TECTA: variants seen among roughly 807,000 people sequenced by gnomAD.
TECTA encodes alpha-tectorin.
A neutral mutation model predicts 216.8 loss-of-function variants in TECTA; 128 were observed. That is an observed-to-expected ratio of 0.59 (90% CI 0.51 to 0.68). The LOEUF is 0.68. Ranked by LOEUF, TECTA falls within the 30% of genes least tolerant of loss-of-function variation. The pLI, the probability that TECTA is intolerant of heterozygous loss-of-function variation, is 0.00. For missense variants in TECTA, 2,551 were observed against 2,786.2 expected, an observed-to-expected ratio of 0.92 and a Z score of 1.90; for synonymous variants, 1,089 against 1,117.1, an observed-to-expected ratio of 0.97 and a Z score of 0.50.
intron 20 of TECTA, among the ~76,000 whole-genome samples, chr11:121,176,127 T>A (rs1309994647): frequency 6.6e-6 from 1 of 151,934 alleles, no homozygotes; most frequent in Non-Finnish European, 1.5e-5. Flanking sequence ...CTGATGGGTC[T>A]TGACTCTTTA....
At chr11:121,186,358 G>A (rs1417165006) in intron 20 of TECTA, among the ~76,000 whole-genome samples, 1 of 152,244 alleles carries the variant, frequency 6.6e-6, no homozygotes. Flanking sequence ...AGAGGAAAGG[G>A]CAGGTGTTTC....
chr11:121,147,552 C>A (rs1946850310), intron 12 of TECTA, among the ~76,000 whole-genome samples: 1 of 151,944 alleles, frequency 6.6e-6, no homozygotes, highest in African/African-American at 2.4e-5. Flanking sequence ...AATAAATATG[C>A]CTATAAAAAA....
chr11:121,125,745 C>T lies in TECTA; in HGVS notation c.1647C>T (p.Ser549=), dbSNP rs201949975. 1 of 1,614,108 alleles carries T rather than the reference C, an allele frequency of 6.2e-7. No homozygotes were observed. The highest frequency in any genetic ancestry group is 1.3e-5 in the African/African-American group (1 of 75,068). ...TGGACCCCACTGCTTTTGTGCACAG[C>T]TGCGTGTATGACCTGTGCAGTGTGA... is the stretch of plus-strand genomic sequence containing the variant. The part of the protein sequence containing the change: ...TVVDPTAFVH[S]CVYDLCSVRD... Residue 549 remains serine (S), a synonymous_variant, in exon 8 of 24, where the codon AGC becomes AGT. Coordinates refer to ENST00000392793, the MANE Select transcript of TECTA (RefSeq NM_005422.4).
chr11:121,170,425 T>C (rs1947099599), intron 20 of TECTA, among the ~76,000 whole-genome samples: 1 of 151,440 alleles, frequency 6.6e-6, no homozygotes, highest in Non-Finnish European at 1.5e-5. Context: ...GTTTTTTTGT[T>C]TTGTTTTGTT....
intron 20 of TECTA, among the ~76,000 whole-genome samples, chr11:121,173,998 T>G (rs1174004491): frequency 1.3e-5 from 2 of 152,084 alleles, no homozygotes; most frequent in African/African-American, 2.4e-5. Flanking sequence ...GTTTGTCTGT[T>G]ATTGGTGTAT....
chr11:121,145,794 G>T lies in TECTA; in HGVS notation c.3783G>T (p.Ser1261=), dbSNP rs1424229038. 5 of 1,614,190 alleles carry T rather than the reference G, an allele frequency of 3.1e-6. No individual in the cohort carries two copies. The South Asian group carries it at 4.4e-5, about 14-fold the overall frequency. Residue 1261 remains serine (S), a synonymous_variant, in exon 12 of 24, where the codon TCG becomes TCT. Transcript: ENST00000392793. ...DLEMPMGLLA[S]SVNEFGQSWV... ...AGATGCCCATGGGTCTGCTTGCATC[G>T]AGTGTCAATGAGTTTGGGCAGAGCT...
At chr11:121,187,123 G>C (rs139680013) in intron 20 of TECTA, among the ~76,000 whole-genome samples, 2 of 152,354 alleles carry the variant, frequency 1.3e-5, no homozygotes, top group African/African-American at 4.8e-5. Context: ...CAGGAGTGAT[G>C]CATTGGACAA....
At position 121,118,510 on chromosome 11, in the gene TECTA, C is replaced by T; in HGVS notation, c.995C>T (p.Thr332Ile). ...CVVFGEPHYH[T>I]FDGFLFHFQG... is the part of the protein sequence containing the mutation. ...GTGTTTGGGGAGCCACACTACCACA[C>T]TTTTGACGGCTTCCTCTTCCACTTC... is the stretch of plus-strand genomic sequence containing the variant. Residue 332 changes from threonine (T) to isoleucine (I), a missense_variant, in exon 7 of 24, where the codon ACT becomes ATT. Thr to Ile is a moderately conservative substitution (Grantham distance 89). Coordinates refer to ENST00000392793, the MANE Select transcript of TECTA (RefSeq NM_005422.4). 1 of 1,614,204 alleles carries T rather than the reference C, an allele frequency of 6.2e-7. No homozygotes were observed. The highest frequency in any genetic ancestry group is 1.1e-5 in the South Asian group (1 of 91,086).
In TECTA at chr11:121,166,642, T is replaced by A; in HGVS notation, c.5448T>A (p.Ser1816=). 1 of 1,614,180 alleles carries A rather than the reference T, an allele frequency of 6.2e-7. No homozygotes were observed. The highest frequency in any genetic ancestry group is 8.5e-7 in the Non-Finnish European group (1 of 1,180,030). Residue 1816 remains serine (S), a synonymous_variant, in exon 18 of 24, where the codon TCT becomes TCA. Transcript: ENST00000392793. ...CAGCCCAAATGGAAGTGTCCATATC[T>A]AAGTGCAAGCTCTTCCAGCTCGGTT... ...CKAAQMEVSI[S]KCKLFQLGFE... is the part of the protein sequence containing the mutation.
rs779796649 is a variant in TECTA at position 121,137,880 on chromosome 11, G to C, written c.3401G>C (p.Ser1134Thr). The C allele has an allele frequency of 6.2e-7, 1 of 1,603,120 alleles. No individual in the cohort carries two copies. Among genetic ancestry groups the C allele is most frequent in the African/African-American group, 1.3e-5 (1 of 74,750 alleles). The change falls in exon 11 of 24, where the codon AGC (serine) becomes ACC (threonine). Residue 1134 changes from serine (S) to threonine (T), a missense_variant. Around this residue, in one of 3 missense-constraint regions of TECTA, gnomAD observed 2,375 missense variants for 2,563.9 expected, o/e 0.93. Transcript: ENST00000392793. ...CTGTGCACCACAGGAAGCAGGCCAA[G>C]CTCAGACTCTTTCCCCAAGTTTGTT... ...LILCTTGSRP[S>T]SDSFPKFVVT...
At chr11:121,173,506 G>A (rs1220364) in intron 20 of TECTA, among the ~76,000 whole-genome samples, 2,845 of 115,446 alleles carry the variant, frequency 0.025, 126 homozygotes, top group African/African-American at 0.098. Context: ...TTGTAGATAT[G>A]CGGCGTTATT....
chr11:121,156,182 T>C (rs1946939430), intron 13 of TECTA, among the ~76,000 whole-genome samples: 1 of 152,110 alleles, frequency 6.6e-6, no homozygotes, highest in Non-Finnish European at 1.5e-5. Context: ...AATTTTATTA[T>C]TATTACTTCT....
chr11:121,119,654 T>C (rs1946537893), intron 7 of TECTA, among the ~76,000 whole-genome samples: 1 of 152,222 alleles, frequency 6.6e-6, no homozygotes, highest in Admixed American at 6.5e-5. Context: ...ATGGAGGTCA[T>C]TACAGAGATT....
chr11:121,113,239 T>C lies in TECTA; in HGVS notation c.624+30T>C, dbSNP rs1591437678. The stretch of plus-strand genomic sequence containing the variant: ...GTGGCTCTCCACTTCATCCCCCGCG[T>C]GTTTCCGTCGCTGCACTCTCTGCTT... On this transcript the variant is annotated intron_variant, in intron 5 of 23. Transcript: ENST00000392793. This position sits in a 1 kb window ranked among gnomAD's most constrained non-coding sequence, Gnocchi z 4.2. 6.2e-7 allele frequency: 1 copy of C among 1,613,450 alleles called. No homozygotes were observed. The highest frequency in any genetic ancestry group is 2.2e-5 in the East Asian group (1 of 44,882).
chr11:121,162,529 T>G (rs1947011752), intron 16 of TECTA, among the ~76,000 whole-genome samples, 159 bp downstream of exon 16: 1 of 152,220 alleles, frequency 6.6e-6, no homozygotes, highest in South Asian at 2.1e-4. Flanking sequence ...GCAGCCGAGA[T>G]TCAGTGACGG....
chr11:121,151,618 G>A (rs1946890543), intron 12 of TECTA, among the ~76,000 whole-genome samples: 1 of 152,154 alleles, frequency 6.6e-6, no homozygotes, highest in South Asian at 2.1e-4. Flanking sequence ...ATCGGAGGTT[G>A]CCATTTCATC....
intron 20 of TECTA, among the ~76,000 whole-genome samples, chr11:121,173,691 A>G (rs908861153): frequency 6.6e-6 from 1 of 150,438 alleles, no homozygotes; most frequent in Non-Finnish European, 1.5e-5. Context: ...TTGGTTCCAT[A>G]TGAACTTTAA....
rs757635221 is a variant in TECTA, at chr11:121,190,799, C to T, written c.6461C>T (p.Thr2154Ile). 6.2e-7 allele frequency: 1 copy of T among 1,610,224 alleles called. No individual in the cohort carries two copies. Among genetic ancestry groups the T allele is most frequent in the Non-Finnish European group, 8.5e-7 (1 of 1,177,218 alleles). ...CATTTTGTCTATAAATCAGGCACGACCTCATAATTAACTCAAGGTTGCTAT... is the reference window on the plus strand; with the variant it reads ...CATTTTGTCTATAAATCAGGCACGATCTCATAATTAACTCAAGGTTGCTAT... ...LWHFVYKSGT[T>I]S The change falls in exon 24 of 24, where the codon ACC becomes ATC. Residue 2154 changes from threonine (T) to isoleucine (I), a missense_variant. By Grantham distance (89) the Thr-to-Ile change is moderately conservative. This residue lies in a region of TECTA where 118 missense variants were observed against 116.4 expected (regional missense o/e 1.01). Transcript: ENST00000392793.
rs754207827 is a variant in TECTA at position 121,158,150 on chromosome 11, C to T, written c.4615C>T (p.Leu1539Phe). ...CTTCGACAAGTGGTCGGCCCCCAAC[C>T]TCACCATCATTTCGCCCGTCTACTT... ...INFDKWSAPNLTIISPVYFYI... is the reference protein window; with the variant it reads ...INFDKWSAPNFTIISPVYFYI... Residue 1539 changes from leucine (L) to phenylalanine (F), a missense_variant, in exon 14 of 24, where the codon CTC (leucine) becomes TTC (phenylalanine). By Grantham distance (22) the Leu-to-Phe change is conservative. Transcript: ENST00000392793. 1 of 1,614,196 alleles carries T rather than the reference C, an allele frequency of 6.2e-7. No homozygotes were observed. Among genetic ancestry groups the T allele is most frequent in the Non-Finnish European group, 8.5e-7 (1 of 1,180,044 alleles).
Sources: gnomAD v4.1 joint callset for allele counts (sites outside exome capture counted in the v4.1 genomes callset) on GRCh38, gnomAD v4.1.1 for gene constraint, gnomAD v4.1.1 regional missense constraint, Gnocchi (gnomAD v3.1) non-coding constraint, MANE v1.5 for transcripts, NCBI Gene and HGNC (gene_info 2026-07-23, HGNC 2026-07-21) for gene names.